RTTN: variants seen among roughly 807,000 people sequenced by gnomAD.
The protein encoded by RTTN is rotatin.
RTTN carries 182 observed loss-of-function variants against 269.2 expected under a neutral mutation model. That is an observed-to-expected ratio of 0.68 (90% CI 0.60 to 0.76). The LOEUF (loss-of-function observed/expected upper bound fraction) is 0.76, where lower values mean the gene tolerates loss of function less well. Ranked by LOEUF, RTTN falls within the 30% of genes least tolerant of loss-of-function variation. RTTN has a pLI of 0.00. For synonymous variants in RTTN, 1,006 were observed against 963.5 expected (o/e 1.04, Z -0.82); for missense variants, 2,545 against 2,608.6 (o/e 0.98, Z 0.53).
chr18:70,152,173 A>C (rs1488114796), intron 14 of RTTN, among the ~76,000 whole-genome samples: 2 of 151,408 alleles, frequency 1.3e-5, no homozygotes, highest in Non-Finnish European at 2.9e-5. Context: ...GTCTCTCAGT[A>C]GTTGATCCTA....
intron 18 of RTTN, among the ~76,000 whole-genome samples, 191 bp downstream of exon 18, chr18:70,145,421 T>A (rs1036337073): frequency 6.6e-6 from 1 of 152,060 alleles, no homozygotes; most frequent in Non-Finnish European, 1.5e-5. Context: ...GCCAAAAAGG[T>A]TGGGACCACT....
At chr18:70,015,264 T>C (rs1408426596) in intron 46 of RTTN, among the ~76,000 whole-genome samples, 1 of 152,022 alleles carries the variant, frequency 6.6e-6, no homozygotes, top group Non-Finnish European at 1.5e-5. Context: ...GGTTTCACCA[T>C]GTTGGCCAGA....
At chr18:70,040,250 T>C (rs537269306) in intron 40 of RTTN, among the ~76,000 whole-genome samples, 2 of 150,266 alleles carry the variant, frequency 1.3e-5, no homozygotes, top group South Asian at 4.2e-4. Context: ...CCAATAAAAA[T>C]ATATACAGAC....
At chr18:70,068,879 A>G (rs1181193791) in intron 34 of RTTN, among the ~76,000 whole-genome samples, 1 of 152,216 alleles carries the variant, frequency 6.6e-6, no homozygotes, top group Non-Finnish European at 1.5e-5. Flanking sequence ...CTGAATTTGA[A>G]TATATTTCTA....
intron 37 of RTTN, among the ~76,000 whole-genome samples, chr18:70,056,535 T>C (rs1004403868): frequency 1.3e-5 from 2 of 152,196 alleles, no homozygotes; most frequent in Non-Finnish European, 2.9e-5. Flanking sequence ...ACAAGCCCTA[T>C]GCCAGACACT....
chr18:70,016,740 C>A (rs1026350275), intron 46 of RTTN, among the ~76,000 whole-genome samples: 3 of 151,916 alleles, frequency 2.0e-5, no homozygotes, highest in African/African-American at 7.3e-5. Context: ...GATCTCAAGC[C>A]CTGAACTCTC....
At chr18:70,043,751 T>C (rs4891805) in intron 40 of RTTN, among the ~76,000 whole-genome samples, 138,744 of 152,246 alleles carry the variant, frequency 0.91, 63,835 homozygotes, top group East Asian at 1. Context: ...ACAGAATTAA[T>C]CTATGGTAAA....
rs555813269 is a variant in RTTN, at chr18:70,183,927, C to T, written c.1305+4181G>A. On this transcript the variant is annotated intron_variant, in intron 10 of 48. Coordinates refer to ENST00000640769, the MANE Select transcript of RTTN (RefSeq NM_173630.4). ...GGACTATAGGTATGCACCTACATGC[C>T]CAGCTAATGTTACTAATTTTTGAAG... 3.9e-5 allele frequency among the ~76,000 whole-genome samples: 6 copies of T among 152,218 alleles called. No individual in the cohort carries two copies. In the South Asian group the frequency reaches 1.2e-3, roughly 32 times the overall value.
At chr18:70,147,323 GT>G (rs1297144385) in intron 17 of RTTN, among the ~76,000 whole-genome samples, 1 of 152,100 alleles carries the variant, frequency 6.6e-6, no homozygotes, top group African/African-American at 2.4e-5. Flanking sequence ...ATGCCACTGT[GT>G]TACAACTGCA....
chr18:70,083,140 A>T (rs1156440120), intron 32 of RTTN, among the ~76,000 whole-genome samples: 1 of 152,188 alleles, frequency 6.6e-6, no homozygotes, highest in African/African-American at 2.4e-5. Context: ...CATATCCAGC[A>T]GGGGCCTGGT....
chr18:70,028,138 T>C (rs2056905540), intron 43 of RTTN, among the ~76,000 whole-genome samples: 1 of 152,154 alleles, frequency 6.6e-6, no homozygotes, highest in Non-Finnish European at 1.5e-5. Context: ...CAAATCAGAG[T>C]GTTCACAAGA....
chr18:70,162,523 G>C (rs952669053), intron 14 of RTTN, among the ~76,000 whole-genome samples: 1 of 152,104 alleles, frequency 6.6e-6, no homozygotes, highest in African/African-American at 2.4e-5. Context: ...TTCACAGGGC[G>C]GCAGGAGAGA....
In RTTN at chr18:70,134,546, T is replaced by G. The variant is rs2060075959; in HGVS notation, c.2886-5A>C. ...TTATTGGAAGGATTAACAGACCTATTTCATAAAAGAAAAACAAAAACAAAG... is the reference window on the plus strand; with the variant it reads ...TTATTGGAAGGATTAACAGACCTATGTCATAAAAGAAAAACAAAAACAAAG... On this transcript the variant is annotated splice_region_variant and splice_polypyrimidine_tract_variant and intron_variant, in intron 22 of 48. Transcript: ENST00000640769. 1 of 1,597,522 alleles carries G rather than the reference T, an allele frequency of 6.3e-7. No homozygotes were observed. Among genetic ancestry groups the G allele is most frequent in the Non-Finnish European group, 8.5e-7 (1 of 1,173,434 alleles).
At chr18:70,139,974 A>C in intron 20 of RTTN, 126 bp downstream of exon 20, 1 of 703,138 alleles carries the variant, frequency 1.4e-6, no homozygotes, top group East Asian at 2.8e-5. Context: ...AAAAAAATGA[A>C]TGAGATAGGA....
chr18:70,150,523 C>T (rs986836553), intron 15 of RTTN, 85 bp downstream of exon 15: 3 of 1,239,976 alleles, frequency 2.4e-6, no homozygotes, highest in African/African-American at 1.5e-5. Context: ...TCTCACCATG[C>T]TATCTAAACT....
chr18:70,135,327 A>C (rs754815674), intron 21 of RTTN, 47 bp from the exon 22 acceptor site: 1 of 1,093,670 alleles, frequency 9.1e-7, no homozygotes, highest in African/African-American at 1.7e-5. Context: ...TACGTCTAGA[A>C]AGAATGAACT....
intron 40 of RTTN, among the ~76,000 whole-genome samples, chr18:70,031,985 C>G (rs1390500004): frequency 1.3e-5 from 2 of 152,180 alleles, no homozygotes; most frequent in East Asian, 1.9e-4. Context: ...TAGGAAGGAA[C>G]CCCTGGACCA....
chr18:70,109,841 G>A (rs2059417063), intron 27 of RTTN, 124 bp from the exon 28 acceptor site: 2 of 695,584 alleles, frequency 2.9e-6, no homozygotes, highest in Non-Finnish European at 4.8e-6. Flanking sequence ...CAGACAAAAT[G>A]GCAGAAAATA....
intron 32 of RTTN, among the ~76,000 whole-genome samples, chr18:70,081,173 G>C (rs1430404841): frequency 6.6e-6 from 1 of 152,142 alleles, no homozygotes; most frequent in Non-Finnish European, 1.5e-5. Context: ...GGACTTGAGG[G>C]AAAAGGGTGG....
Sources: gnomAD v4.1 joint callset for allele counts (sites outside exome capture counted in the v4.1 genomes callset) on GRCh38, gnomAD v4.1.1 for gene constraint, MANE v1.5 for transcripts, NCBI Gene and HGNC (gene_info 2026-07-23, HGNC 2026-07-21) for gene names.